Variants in ARL15 observed in about 807,000 individuals in gnomAD.
The protein encoded by ARL15 is ARF like GTPase 15.
In ARL15, 19 loss-of-function variants were observed where a neutral mutation model predicts 25.2. The observed-to-expected ratio is 0.75, with a 90% CI of 0.53 to 1.10. The LOEUF is 1.10. Ranked by LOEUF, ARL15 falls within the 50% of genes least tolerant of loss-of-function variation. The probability of loss-of-function intolerance (pLI) is 0.00; values close to 1 mark genes in which losing one functional copy is unlikely to be tolerated. For synonymous variants in ARL15, 94 were observed against 86.8 expected, an observed-to-expected ratio of 1.08 and a Z score of -0.46; for missense variants, 220 against 246.0, an observed-to-expected ratio of 0.89 and a Z score of 0.71.
chr5:54,199,255 G>A (rs9764590), intron 1 of ARL15, among the ~76,000 whole-genome samples: 98,750 of 151,738 alleles, frequency 0.65, 32,746 homozygotes, highest in African/African-American at 0.76. Context: ...TTCATGTCTA[G>A]AACACCAAAA....
At chr5:54,087,327 CA>C (rs950757430) in intron 4 of ARL15, among the ~76,000 whole-genome samples, 8 of 145,864 alleles carry the variant, frequency 5.5e-5, no homozygotes, top group Admixed American at 6.8e-5. Flanking sequence ...GGCTCCATCT[CA>C]AAAAAAAAAG....
In ARL15 at chr5:53,897,608, G is replaced by C. The variant is rs186398698; in HGVS notation, c.463-10895C>G. On this transcript the variant is annotated intron_variant, in intron 4 of 4. Transcript: ENST00000504924. ...TCTAGGGATGGAATTCCTGGGTCAT[G>C]TGTTAAATCTATGTTGTCAAATGCT... 3.7e-3 allele frequency among the ~76,000 whole-genome samples: 564 copies of C among 152,268 alleles called. 5 individuals are homozygous for C. Among genetic ancestry groups the C allele is most frequent in the Non-Finnish European group, 5.6e-3 (379 of 68,030 alleles).
chr5:53,999,751 A>G (rs1200580685), intron 4 of ARL15, among the ~76,000 whole-genome samples: 1 of 151,362 alleles, frequency 6.6e-6, no homozygotes, highest in Non-Finnish European at 1.5e-5. Context: ...CCATCTCTAC[A>G]TGGGCGTGGT....
intron 4 of ARL15, among the ~76,000 whole-genome samples, chr5:54,086,392 G>A (rs923343802): frequency 6.6e-6 from 1 of 151,516 alleles, no homozygotes; most frequent in African/African-American, 2.4e-5. Context: ...GAACTTTAGG[G>A]AAGTGCTTTA....
At chr5:54,025,646 GTTATTTGT>G (rs778943686) in intron 4 of ARL15, among the ~76,000 whole-genome samples, 3 of 136,848 alleles carry the variant, frequency 2.2e-5, no homozygotes, top group Non-Finnish European at 4.7e-5. Context: ...CTACTGGCAA[GTTATTTGT>G]TTGTTTGTTT....
intron 2 of ARL15, among the ~76,000 whole-genome samples, chr5:54,162,412 C>T (rs1754432292): frequency 1.3e-5 from 2 of 152,110 alleles, no homozygotes; most frequent in Admixed American, 1.3e-4. Flanking sequence ...CCAGCATTTC[C>T]CTGCACATTT....
intron 1 of ARL15, among the ~76,000 whole-genome samples, chr5:54,290,377 G>A (rs528475446): frequency 3.3e-5 from 5 of 149,274 alleles, no homozygotes; most frequent in Admixed American, 1.4e-4. Context: ...ATCTCGGCTC[G>A]CTGCAACCTC....
chr5:53,971,970 A>G (rs529136894), intron 4 of ARL15, among the ~76,000 whole-genome samples: 1 of 152,334 alleles, frequency 6.6e-6, no homozygotes, highest in South Asian at 2.1e-4. Context: ...ATGAAATAGC[A>G]TGGTATTTGG....
At chr5:53,903,194 A>G (rs1745125065) in intron 4 of ARL15, among the ~76,000 whole-genome samples, 1 of 152,208 alleles carries the variant, frequency 6.6e-6, no homozygotes, top group South Asian at 2.1e-4. Context: ...ATCAGACATA[A>G]AGAGAACACC....
intron 4 of ARL15, among the ~76,000 whole-genome samples, chr5:54,030,938 T>A (rs886863351): frequency 1.3e-5 from 2 of 152,178 alleles, no homozygotes; most frequent in Non-Finnish European, 2.9e-5. Flanking sequence ...ATGTTAAATT[T>A]AAGAAGAGAA....
chr5:54,234,657 C>T (rs1290257292), intron 1 of ARL15, among the ~76,000 whole-genome samples: 2 of 152,158 alleles, frequency 1.3e-5, no homozygotes, highest in African/African-American at 4.8e-5. Context: ...ACTTTGCTTT[C>T]CAAAGCTGTT....
intron 4 of ARL15, among the ~76,000 whole-genome samples, chr5:53,967,185 GT>G (rs1366857975): frequency 2.6e-5 from 4 of 152,052 alleles, no homozygotes; most frequent in Non-Finnish European, 4.4e-5. Context: ...ATAATTTCAG[GT>G]TTTTTTAGTT....
chr5:54,249,898 G>A (rs1210709174), intron 1 of ARL15, among the ~76,000 whole-genome samples: 1 of 152,114 alleles, frequency 6.6e-6, no homozygotes, highest in Non-Finnish European at 1.5e-5. Context: ...GCTGTGCCTG[G>A]GACTGCATCT....
At chr5:54,261,276 A>C (rs1306997294) in intron 1 of ARL15, among the ~76,000 whole-genome samples, 1 of 152,178 alleles carries the variant, frequency 6.6e-6, no homozygotes, top group Non-Finnish European at 1.5e-5. Context: ...AACAGACCAC[A>C]GTTTGTTTTT....
chr5:54,074,978 C>G (rs1751547891), intron 4 of ARL15, among the ~76,000 whole-genome samples: 1 of 141,900 alleles, frequency 7.0e-6, no homozygotes, highest in African/African-American at 2.6e-5. Flanking sequence ...TATATCCCCA[C>G]AAGACACAAA....
intron 1 of ARL15, among the ~76,000 whole-genome samples, chr5:54,273,030 TC>T (rs950100111): frequency 5.3e-5 from 8 of 152,198 alleles, no homozygotes; most frequent in Non-Finnish European, 1.2e-4. Flanking sequence ...AACATTCTAA[TC>T]CAAATGAGAG....
At chr5:54,217,909 G>A (rs1756257180) in intron 1 of ARL15, among the ~76,000 whole-genome samples, 2 of 151,722 alleles carry the variant, frequency 1.3e-5, no homozygotes, top group South Asian at 4.2e-4. Flanking sequence ...TCAGGCTGTG[G>A]CTATAATTCT....
At chr5:53,891,790 C>G (rs1744718344) in intron 4 of ARL15, among the ~76,000 whole-genome samples, 2 of 152,156 alleles carry the variant, frequency 1.3e-5, no homozygotes, top group Non-Finnish European at 2.9e-5. Flanking sequence ...AAGTTTTGCC[C>G]TAAAAGTTGG....
intron 1 of ARL15, among the ~76,000 whole-genome samples, chr5:54,237,133 G>C (rs973686517): frequency 6.6e-6 from 1 of 152,246 alleles, no homozygotes; most frequent in Non-Finnish European, 1.5e-5. Context: ...AATCATGGGA[G>C]TGGGTTTTCC....
Sources: allele counts gnomAD v4.1 joint callset (sites outside exome capture counted in the v4.1 genomes callset), GRCh38; gene constraint gnomAD v4.1.1; transcripts MANE v1.5; gene names NCBI Gene and HGNC (gene_info 2026-07-23, HGNC 2026-07-21).